The following EYS variants were observed in gnomAD, a reference collection of about 807,000 sequenced individuals.
EYS encodes the protein protein eyes shut homolog.
A neutral mutation model predicts 282.1 loss-of-function variants in EYS; 250 were observed. The ratio of observed to expected loss-of-function variants is 0.89; its 90% CI spans 0.80 to 0.98. The LOEUF (loss-of-function observed/expected upper bound fraction) is 0.98, where lower values mean the gene tolerates loss of function less well. Ranked by LOEUF, EYS falls within the 50% of genes least tolerant of loss-of-function variation. The probability of loss-of-function intolerance (pLI) is 0.00; values close to 1 mark genes in which losing one functional copy is unlikely to be tolerated. For missense variants in EYS, 4,016 were observed against 3,709.0 expected (o/e 1.08, Z -2.15); for synonymous variants, 1,355 against 1,282.9 (o/e 1.06, Z -1.20).
intron 12 of EYS, among the ~76,000 whole-genome samples, chr6:65,099,807 G>A (rs1774844395): frequency 6.6e-6 from 1 of 150,730 alleles, no homozygotes; most frequent in South Asian, 2.1e-4. Flanking sequence ...CCGGACTGCT[G>A]CAAATCAGAG....
intron 31 of EYS, among the ~76,000 whole-genome samples, chr6:64,156,896 ATTTT>A (rs1017019648): frequency 6.6e-6 from 1 of 151,076 alleles, no homozygotes; most frequent in South Asian, 2.1e-4. Flanking sequence ...TAATTAATTT[ATTTT>A]TTTATTATTA....
intron 35 of EYS, among the ~76,000 whole-genome samples, chr6:63,921,549 G>A (rs1021665919): frequency 6.6e-6 from 1 of 152,160 alleles, no homozygotes; most frequent in Non-Finnish European, 1.5e-5. Flanking sequence ...TCACACTCCC[G>A]CTGACGCATC....
chr6:64,240,229 C>T lies in EYS; in HGVS notation c.6192-9405G>A, dbSNP rs138993797. 2.4e-3 allele frequency among the ~76,000 whole-genome samples: 363 copies of T among 152,242 alleles called. 1 individual carries two copies. The highest frequency in any genetic ancestry group is 8.1e-3 in the African/African-American group (338 of 41,558). On this transcript the variant is annotated intron_variant, in intron 30 of 42. Transcript: ENST00000503581. ...TTCTTTTTGCTTCGGATTGTCTTGG[C>T]TATGCGTGCTCTTTTTTGGTTCCAT...
intron 2 of EYS, among the ~76,000 whole-genome samples, chr6:65,538,501 A>C (rs1366632894): frequency 6.6e-6 from 1 of 152,132 alleles, no homozygotes; most frequent in South Asian, 2.1e-4. Flanking sequence ...ACCCTTAAAA[A>C]TTGCTATTTG....
chr6:64,130,121 C>T (rs986521998), intron 31 of EYS, among the ~76,000 whole-genome samples: 3 of 152,182 alleles, frequency 2.0e-5, no homozygotes, highest in African/African-American at 7.2e-5. Context: ...CCAACTATCC[C>T]ATTACTGGGT....
intron 31 of EYS, among the ~76,000 whole-genome samples, chr6:64,144,276 C>A (rs1774439541): frequency 6.6e-6 from 1 of 152,158 alleles, no homozygotes; most frequent in African/African-American, 2.4e-5. Context: ...GTTCATGCTT[C>A]AGACTACCAT....
intron 22 of EYS, among the ~76,000 whole-genome samples, chr6:64,722,809 A>C (rs1479829469): frequency 6.6e-6 from 1 of 152,174 alleles, no homozygotes; most frequent in Non-Finnish European, 1.5e-5. Flanking sequence ...AAATCTAAAA[A>C]GTGATAGATT....
chr6:64,640,746 C>T (rs1768114814), intron 22 of EYS, among the ~76,000 whole-genome samples: 1 of 152,116 alleles, frequency 6.6e-6, no homozygotes, highest in Non-Finnish European at 1.5e-5. Flanking sequence ...GATTAAAATT[C>T]ATGCAAAGTA....
At chr6:64,641,812 G>C (rs1333469659) in intron 22 of EYS, among the ~76,000 whole-genome samples, 2 of 152,098 alleles carry the variant, frequency 1.3e-5, no homozygotes, top group East Asian at 1.9e-4. Context: ...TCTCATAGGA[G>C]CGTGAACCCT....
intron 30 of EYS, among the ~76,000 whole-genome samples, chr6:64,264,098 A>AG (rs1380611811): frequency 1.3e-5 from 1 of 79,878 alleles, no homozygotes; most frequent in African/African-American, 5.0e-5. Flanking sequence ...GTGAGCTAAA[A>AG]GAAAAACAAC....
chr6:65,420,605 A>T (rs1317135117), intron 5 of EYS, among the ~76,000 whole-genome samples: 2 of 149,888 alleles, frequency 1.3e-5, no homozygotes, highest in Non-Finnish European at 2.9e-5. Flanking sequence ...TCTTAATGGC[A>T]TCTAGAATGG....
chr6:64,461,091 A>C (rs1223073053), intron 26 of EYS, among the ~76,000 whole-genome samples: 2 of 152,206 alleles, frequency 1.3e-5, no homozygotes, highest in Non-Finnish European at 2.9e-5. Context: ...TGCTTCCTGC[A>C]GGTGAACATT....
chr6:63,940,952 C>T (rs975178337), intron 35 of EYS, among the ~76,000 whole-genome samples: 9 of 151,308 alleles, frequency 5.9e-5, no homozygotes, highest in Admixed American at 1.3e-4. Flanking sequence ...TCTGTCCTTG[C>T]GATAGTTTGC....
chr6:64,504,622 C>T (rs766434148), intron 26 of EYS, among the ~76,000 whole-genome samples: 40 of 152,228 alleles, frequency 2.6e-4, no homozygotes, highest in Admixed American at 6.5e-4. Context: ...ACTGGAGACT[C>T]AGGAAGAAGT....
chr6:63,920,877 C>T (rs576999034), intron 35 of EYS, among the ~76,000 whole-genome samples: 1 of 150,922 alleles, frequency 6.6e-6, no homozygotes, highest in African/African-American at 2.4e-5. Flanking sequence ...TATGGACTGT[C>T]TTCTTCTTCT....
At chr6:64,422,190 T>G (rs373406731) in intron 28 of EYS, among the ~76,000 whole-genome samples, 177 of 152,214 alleles carry the variant, frequency 1.2e-3, no homozygotes, top group Middle Eastern at 3.4e-3. Context: ...TAGACTTTTT[T>G]TTTCTAATAA....
At chr6:64,343,640 T>G (rs1003272763) in intron 29 of EYS, among the ~76,000 whole-genome samples, 5 of 151,778 alleles carry the variant, frequency 3.3e-5, no homozygotes, top group Non-Finnish European at 7.4e-5. Flanking sequence ...CCATCACAAT[T>G]AAAAGAACTG....
Position 64,997,684 on chromosome 6 carries a change from G to A in EYS, c.2157C>T (p.Cys719=), listed in dbSNP as rs9453148. The stretch of plus-strand genomic sequence containing the variant: ...TCCCAACATAGCCTGGATTGCATAA[G>A]CAGGAAAAGCCATCAACCACTGGAA... ...PPFKVVDGFS[C]LCNPGYVGIR... Residue 719 remains cysteine (C), a synonymous_variant, in exon 14 of 43, where the codon TGC becomes TGT. Coordinates refer to ENST00000503581, the MANE Select transcript of EYS (RefSeq NM_001142800.2). The A allele has an allele frequency of 4.5e-3, 6,936 of 1,550,788 alleles. 268 individuals carry two copies. The African/African-American group carries it at 0.083, about 18-fold the overall frequency.
At position 63,720,804 on chromosome 6, in the gene EYS, A is replaced by C; in HGVS notation, c.9227T>G (p.Phe3076Cys). The change falls in exon 43 of 43, where the codon TTT becomes TGT. Residue 3076 changes from phenylalanine to cysteine, a missense_variant. Physicochemically the swap from Phe to Cys is radical, Grantham distance 205 (BLOSUM62 -2). Transcript: ENST00000503581. The part of the protein sequence containing the change: ...LSEDIDPHKN[F>C]VALNYDGICY... Reference sequence around the variant, plus strand: ...AATGCCATCATAGTTTAGAGCCACAAAGTTTTTATGTGGATCAATATCCTC... The same window carrying C: ...AATGCCATCATAGTTTAGAGCCACACAGTTTTTATGTGGATCAATATCCTC... 6.4e-7 allele frequency: 1 copy of C among 1,550,946 alleles called. No homozygotes were observed. Among genetic ancestry groups the C allele is most frequent in the South Asian group, 1.2e-5 (1 of 84,038 alleles).
Sources: gnomAD v4.1 joint callset for allele counts (sites outside exome capture counted in the v4.1 genomes callset) on GRCh38, gnomAD v4.1.1 for gene constraint, MANE v1.5 for transcripts, NCBI Gene and HGNC (gene_info 2026-07-23, HGNC 2026-07-21) for gene names.